The following PRIMA1 variants were observed in gnomAD, a reference collection of about 807,000 sequenced individuals.
PRIMA1 encodes the protein proline-rich membrane anchor 1.
PRIMA1 carries 7 observed loss-of-function variants against 17.5 expected under a neutral mutation model. The observed-to-expected ratio is 0.40, with a 90% CI of 0.23 to 0.75. The LOEUF is 0.75. Among genes scored for constraint, PRIMA1 ranks in the 30% least tolerant of loss-of-function variants. The pLI, the probability that PRIMA1 is intolerant of heterozygous loss-of-function variation, is 0.37. For synonymous variants in PRIMA1, 97 were observed against 77.9 expected (o/e 1.25, Z -1.29); for missense variants, 200 against 201.8 (o/e 0.99, Z 0.05).
At chr14:93,725,936 A>T in intron 4 of PRIMA1, 1 of 456,422 alleles carries the variant, frequency 2.2e-6, no homozygotes, top group Admixed American at 2.3e-5. Flanking sequence ...GTCTCATTAA[A>T]CCAAGAAGAG....
intron 3 of PRIMA1, among the ~76,000 whole-genome samples, chr14:93,753,460 G>C (rs116367559): frequency 1.3e-3 from 203 of 152,318 alleles, no homozygotes; most frequent in African/African-American, 4.7e-3. Flanking sequence ...ACAGGGATAG[G>C]GGGTAGGCCA....
chr14:93,769,456 G>A (rs2141185981), intron 3 of PRIMA1, among the ~76,000 whole-genome samples: 1 of 152,298 alleles, frequency 6.6e-6, no homozygotes, highest in East Asian at 1.9e-4. Context: ...AACACCCCGA[G>A]GCCGGAATCA....
chr14:93,730,541 A>C (rs781249255), intron 4 of PRIMA1, among the ~76,000 whole-genome samples: 76 of 151,126 alleles, frequency 5.0e-4, no homozygotes, highest in Admixed American at 2.0e-3. Flanking sequence ...TTCTCTCCCC[A>C]CCAAGGCCTC....
intron 4 of PRIMA1, among the ~76,000 whole-genome samples, chr14:93,727,268 G>A (rs1044459403): frequency 3.9e-5 from 6 of 152,340 alleles, no homozygotes; most frequent in African/African-American, 1.2e-4. Context: ...GGGCCGAGGG[G>A]AGCAGAGAGG....
intron 3 of PRIMA1, among the ~76,000 whole-genome samples, chr14:93,758,594 C>CAAAAAAAAAAAAAAAAA (rs34329291): frequency 6.1e-5 from 5 of 81,340 alleles, no homozygotes; most frequent in Non-Finnish European, 9.3e-5. Context: ...GCAAGACTCT[C>CAAAAAAAAAAAAAAAAA]AAAAAAAAAA....
intron 3 of PRIMA1, among the ~76,000 whole-genome samples, chr14:93,778,494 A>G (rs1374707243): frequency 6.6e-6 from 1 of 152,244 alleles, no homozygotes; most frequent in Non-Finnish European, 1.5e-5. Context: ...AGATACCGAC[A>G]TGATCACGGG....
At chr14:93,740,605 G>T (rs2076178726) in intron 3 of PRIMA1, among the ~76,000 whole-genome samples, 1 of 152,228 alleles carries the variant, frequency 6.6e-6, no homozygotes, top group Non-Finnish European at 1.5e-5. Context: ...GCCACCAATG[G>T]TCCAGGACCA....
intron 3 of PRIMA1, among the ~76,000 whole-genome samples, chr14:93,765,265 TCATCCAGC>T (rs1884853274): frequency 6.6e-6 from 1 of 151,930 alleles, no homozygotes; most frequent in Non-Finnish European, 1.5e-5. Context: ...TTCATCATTG[TCATCCAGC>T]CATGCATGCA....
Position 93,743,758 on chromosome 14 carries a change from G to C in PRIMA1, c.230-6388C>G, listed in dbSNP as rs955410265. On this transcript the variant is annotated intron_variant, in intron 3 of 4. Coordinates refer to ENST00000393140, the MANE Select transcript of PRIMA1 (RefSeq NM_178013.4). ...TGAAAGGAGTCACAGCCCTGCTTCAGGGACAGTCTCATGGCACCGCTGGTC... is the reference window on the plus strand; with the variant it reads ...TGAAAGGAGTCACAGCCCTGCTTCACGGACAGTCTCATGGCACCGCTGGTC... Among the ~76,000 whole-genome samples the C allele has an allele frequency of 2.0e-5, 3 of 152,362 alleles. No individual in the cohort carries two copies. The East Asian group carries it at 5.8e-4, about 29-fold the overall frequency.
chr14:93,736,233 T>C (rs12050435), intron 4 of PRIMA1, among the ~76,000 whole-genome samples: 118,643 of 152,028 alleles, frequency 0.78, 47,301 homozygotes, highest in Middle Eastern at 0.89. Context: ...GGCTGGGCTT[T>C]GGAGTATTTT....
intron 1 of PRIMA1, 68 bp from the exon 2 acceptor site, chr14:93,787,817 T>A: frequency 6.8e-7 from 1 of 1,480,654 alleles, no homozygotes; most frequent in Middle Eastern, 2.4e-4. Context: ...CGCACCAATA[T>A]ACCTCCCAGC....
intron 3 of PRIMA1, among the ~76,000 whole-genome samples, chr14:93,744,653 C>G (rs921990894): frequency 3.3e-5 from 5 of 152,192 alleles, no homozygotes; most frequent in Non-Finnish European, 5.9e-5. Context: ...CCCTTGTGCG[C>G]CTGCAATTCA....
At chr14:93,788,110 C>A (rs1338881779) in intron 1 of PRIMA1, among the ~76,000 whole-genome samples, 1 of 152,114 alleles carries the variant, frequency 6.6e-6, no homozygotes, top group Non-Finnish European at 1.5e-5. Context: ...CACTTCAAAC[C>A]CGGCGGGCAC....
chr14:93,728,469 G>C (rs1221955587), intron 4 of PRIMA1, among the ~76,000 whole-genome samples: 1 of 152,120 alleles, frequency 6.6e-6, no homozygotes, highest in African/African-American at 2.4e-5. Context: ...AGGGCGGAGA[G>C]GAGGAGAAAA....
At chr14:93,765,715 C>T (rs1279640701) in intron 3 of PRIMA1, among the ~76,000 whole-genome samples, 1 of 151,942 alleles carries the variant, frequency 6.6e-6, no homozygotes, top group Non-Finnish European at 1.5e-5. Context: ...TGATAAGTAT[C>T]CTTGCTTCAA....
intron 3 of PRIMA1, among the ~76,000 whole-genome samples, chr14:93,742,876 G>C (rs1469997179): frequency 1.3e-5 from 2 of 152,154 alleles, no homozygotes; most frequent in Admixed American, 6.5e-5. Flanking sequence ...GGGGCCTTGC[G>C]ACGGTACTCA....
In PRIMA1 at chr14:93,726,793, TAC is replaced by T. The variant is rs760954648; in HGVS notation, c.360-5249_360-5248del. 6.6e-6 allele frequency among the ~76,000 whole-genome samples: 1 copy of T among 151,822 alleles called. No homozygotes were observed. The highest frequency in any genetic ancestry group is 1.5e-5 in the Non-Finnish European group (1 of 67,970). ...TCCACACACACAAACAATATACACATACACACATGTACTTCAACACACACACA... is the reference window on the plus strand; with the variant it reads ...TCCACACACACAAACAATATACACATACACATGTACTTCAACACACACACA... On this transcript the variant is annotated intron_variant, in intron 4 of 4. Coordinates refer to ENST00000393140, the MANE Select transcript of PRIMA1 (RefSeq NM_178013.4). This position sits in a 1 kb window ranked among gnomAD's most constrained non-coding sequence, Gnocchi z 4.2.
intron 3 of PRIMA1, among the ~76,000 whole-genome samples, chr14:93,748,004 A>T (rs1185530261): frequency 7.6e-6 from 1 of 132,246 alleles, no homozygotes; most frequent in Admixed American, 7.4e-5. Context: ...GGGAGAGTGT[A>T]TATGAGTGTG....
chr14:93,757,556 G>C (rs903838159), intron 3 of PRIMA1, among the ~76,000 whole-genome samples: 8 of 152,356 alleles, frequency 5.3e-5, no homozygotes, highest in African/African-American at 7.2e-5. Flanking sequence ...GTTCCGGCCT[G>C]GGGTGGGGGC....
Sources: gnomAD v4.1 joint callset for allele counts (sites outside exome capture counted in the v4.1 genomes callset) on GRCh38, gnomAD v4.1.1 for gene constraint, Gnocchi (gnomAD v3.1) non-coding constraint, MANE v1.5 for transcripts, NCBI Gene and HGNC (gene_info 2026-07-23, HGNC 2026-07-21) for gene names.